The following ADAM22 variants were observed in gnomAD, a reference collection of about 807,000 sequenced individuals.
ADAM22 encodes disintegrin and metalloproteinase domain-containing protein 22.
In ADAM22, 65 loss-of-function variants were observed where a neutral mutation model predicts 144.6. The observed-to-expected ratio is 0.45, with a 90% confidence interval of 0.37 to 0.55. The LOEUF (loss-of-function observed/expected upper bound fraction) is 0.55. Ranked by LOEUF, ADAM22 falls within the 20% of genes least tolerant of loss-of-function variation. The pLI is 0.00. For synonymous variants in ADAM22, 391 were observed against 412.6 expected, an observed-to-expected ratio of 0.95 and a Z score of 0.63; for missense variants, 974 against 1,184.9, an observed-to-expected ratio of 0.82 and a Z score of 2.61.
At chr7:88,114,722 C>A in intron 6 of ADAM22, 75 bp downstream of exon 6, 1 of 1,370,716 alleles carries the variant, frequency 7.3e-7, no homozygotes, top group Non-Finnish European at 1.0e-6. Flanking sequence ...CTTTTTTTAT[C>A]TCTACTTTAT....
At chr7:87,945,089 T>C (rs975598590) in intron 2 of ADAM22, among the ~76,000 whole-genome samples, 1 of 152,168 alleles carries the variant, frequency 6.6e-6, no homozygotes, top group Non-Finnish European at 1.5e-5. Flanking sequence ...CAGTTTAGAC[T>C]TTAGACACTG....
chr7:88,146,937 C>T (rs778922349), intron 17 of ADAM22, among the ~76,000 whole-genome samples: 1 of 152,170 alleles, frequency 6.6e-6, no homozygotes, highest in Non-Finnish European at 1.5e-5. Flanking sequence ...TTGATTTTGG[C>T]TACCACCCCT....
intron 5 of ADAM22, 120 bp from the exon 6 acceptor site, chr7:88,114,463 TG>T (rs2129489689): frequency 1.3e-6 from 1 of 799,344 alleles, no homozygotes; most frequent in African/African-American, 1.7e-5. Flanking sequence ...AGGTGATGGA[TG>T]GGACTGGGAA....
chr7:88,081,190 A>G (rs966323995), intron 4 of ADAM22, among the ~76,000 whole-genome samples: 6 of 152,116 alleles, frequency 3.9e-5, no homozygotes, highest in Non-Finnish European at 7.4e-5. Flanking sequence ...TTCAACATAC[A>G]AAAATCAATA....
chr7:88,079,839 G>T (rs10085757), intron 4 of ADAM22, among the ~76,000 whole-genome samples: 83,831 of 151,902 alleles, frequency 0.55, 24,185 homozygotes, highest in East Asian at 0.88. Flanking sequence ...GCACCCAGAT[G>T]CATAAAGCAA....
At chr7:88,075,721 A>G (rs1814231198) in intron 4 of ADAM22, 29 bp downstream of exon 4, 1 of 1,547,956 alleles carries the variant, frequency 6.5e-7, no homozygotes, top group African/African-American at 1.4e-5. Flanking sequence ...CTTGTGGGGA[A>G]ATTTGTTGAG....
chr7:87,964,749 T>A, intron 2 of ADAM22: 1 of 346,946 alleles, frequency 2.9e-6, no homozygotes, highest in East Asian at 9.0e-5. Flanking sequence ...AAACATGAAT[T>A]GTGGATGGAT....
chr7:88,179,180 G>C, intron 27 of ADAM22, 51 bp downstream of exon 27: 1 of 703,534 alleles, frequency 1.4e-6, no homozygotes, highest in South Asian at 1.7e-5. Flanking sequence ...AGTATCCTTT[G>C]TTCTTTGATT....
At chr7:88,078,548 C>T (rs921826153) in intron 4 of ADAM22, among the ~76,000 whole-genome samples, 2 of 152,134 alleles carry the variant, frequency 1.3e-5, no homozygotes, top group African/African-American at 2.4e-5. Context: ...CAAACTACTC[C>T]GAGCTAAAGG....
Position 88,168,236 on chromosome 7 carries a change from A to G in ADAM22, c.2282+9A>G, listed in dbSNP as rs1328445384. 3.7e-6 allele frequency: 6 copies of G among 1,608,544 alleles called. No individual in the cohort carries two copies. The highest frequency in any genetic ancestry group is 2.2e-5 in the East Asian group (1 of 44,764). ...ACTGCGTGGGGTTATAAGTAAGTGA[A>G]ATGTCTCAGTCTTGTTACTATTGAA... On this transcript the variant is annotated intron_variant, in intron 25 of 31. Transcript: ENST00000413139.
intron 2 of ADAM22, chr7:87,964,616 C>A (rs866752045): frequency 2.4e-6 from 1 of 423,682 alleles, no homozygotes; most frequent in Non-Finnish European, 4.6e-6. Context: ...AAATTGTACT[C>A]ATTTAATTTT....
intron 11 of ADAM22, 155 bp from the exon 12 acceptor site, chr7:88,132,712 A>T: frequency 3.6e-6 from 2 of 558,946 alleles, no homozygotes; most frequent in African/African-American, 3.8e-5. Context: ...CTTTGGTTAC[A>T]TGTATAAACA....
chr7:88,084,922 A>G (rs911095651), intron 4 of ADAM22, among the ~76,000 whole-genome samples: 1 of 152,178 alleles, frequency 6.6e-6, no homozygotes, highest in East Asian at 1.9e-4. Context: ...TGGTTTGTGC[A>G]TGGTTTTCTT....
chr7:88,089,708 T>C lies in ADAM22; in HGVS notation c.390+14016T>C, dbSNP rs150433216. On this transcript the variant is annotated intron_variant, in intron 4 of 31. Coordinates refer to ENST00000413139, the MANE Select transcript of ADAM22 (RefSeq NM_001324418.2). ...AATTAAGTCACATGATTTAGGAAGATGGCTTTAGAAATGATGTTTTTCCTT... is the reference window on the plus strand; with the variant it reads ...AATTAAGTCACATGATTTAGGAAGACGGCTTTAGAAATGATGTTTTTCCTT... Among the ~76,000 whole-genome samples, 192 of 152,296 alleles carry C rather than the reference T, an allele frequency of 1.3e-3. 3 individuals carry two copies. Among genetic ancestry groups the C allele is most frequent in the African/African-American group, 4.4e-3 (184 of 41,574 alleles).
intron 3 of ADAM22, among the ~76,000 whole-genome samples, chr7:88,067,739 A>G (rs1365073525): frequency 1.3e-5 from 2 of 152,072 alleles, no homozygotes; most frequent in Non-Finnish European, 2.9e-5. Flanking sequence ...ACTTGATCAC[A>G]TTTATTGTAA....
intron 7 of ADAM22, among the ~76,000 whole-genome samples, chr7:88,117,455 T>G (rs959621045): frequency 1.3e-5 from 2 of 152,252 alleles, no homozygotes; most frequent in African/African-American, 4.8e-5. Flanking sequence ...CCTAGCAACC[T>G]ATGTTGCTTT....
chr7:88,001,738 C>T (rs1174524865), intron 3 of ADAM22, among the ~76,000 whole-genome samples: 1 of 151,820 alleles, frequency 6.6e-6, no homozygotes, highest in African/African-American at 2.4e-5. Flanking sequence ...TTATTTCCTC[C>T]TTGGCATGGT....
At position 88,151,260 on chromosome 7, in the gene ADAM22, A is replaced by G; in HGVS notation, c.1621A>G (p.Ile541Val). The G allele has an allele frequency of 6.2e-7, 1 of 1,614,104 alleles. No homozygotes were observed. Among genetic ancestry groups the G allele is most frequent in the Non-Finnish European group, 8.5e-7 (1 of 1,179,988 alleles). ...DGYSCDGVQG[I>V]CFGGRCKTRD... ...GGTATTTGCTTTTCCGTTTTAGGGA[A>G]TTTGCTTTGGAGGAAGATGCAAAAC... The change falls in exon 20 of 32, where the codon ATT becomes GTT. Residue 541 changes from isoleucine to valine, a missense_variant. Around this residue, in one of 2 missense-constraint regions of ADAM22, gnomAD observed 734 missense variants for 950.6 expected, o/e 0.77. Coordinates refer to ENST00000413139, the MANE Select transcript of ADAM22 (RefSeq NM_001324418.2).
At chr7:88,096,582 T>TA (rs1821391265) in intron 4 of ADAM22, among the ~76,000 whole-genome samples, 2 of 151,316 alleles carry the variant, frequency 1.3e-5, no homozygotes, top group African/African-American at 4.8e-5. Flanking sequence ...ATATAATATT[T>TA]TAAAAAATTG....
Sources: allele counts gnomAD v4.1 joint callset (sites outside exome capture counted in the v4.1 genomes callset), GRCh38; gene constraint gnomAD v4.1.1; regional missense constraint gnomAD v4.1.1; transcripts MANE v1.5; gene names NCBI Gene and HGNC (gene_info 2026-07-23, HGNC 2026-07-21).